The following SNCAIP variants were observed in gnomAD, a reference collection of about 807,000 sequenced individuals.
SNCAIP encodes the protein synphilin-1.
A neutral mutation model predicts 86.7 loss-of-function variants in SNCAIP; 43 were observed. The ratio of observed to expected loss-of-function variants is 0.50; its 90% CI spans 0.39 to 0.64. SNCAIP has a LOEUF of 0.64. SNCAIP is among the 30% of genes least tolerant of loss of function. SNCAIP has a pLI of 0.00. For missense variants in SNCAIP, 981 were observed against 1,103.1 expected (o/e 0.89, Z 1.57); for synonymous variants, 417 against 427.2 (o/e 0.98, Z 0.29).
At chr5:122,311,615 C>G (rs1007042887), upstream of SNCAIP, 2 of 149,930 alleles carry the variant, frequency 1.3e-5, no homozygotes, top group Non-Finnish European at 2.9e-5. Flanking sequence ...GCGGTTAACG[C>G]TTGGATCACG....
At chr5:122,404,023 A>G (rs1401390778) in intron 3 of SNCAIP, among the ~76,000 whole-genome samples, 158 bp downstream of exon 3, 1 of 152,082 alleles carries the variant, frequency 6.6e-6, no homozygotes, top group African/African-American at 2.4e-5. Flanking sequence ...CCTGCCTTCA[A>G]CAAACAGATG....
rs11297385 is a variant in SNCAIP, at chr5:122,326,606, C to CTTTT, written c.-47+14352_-47+14355dup. Among the ~76,000 whole-genome samples, 261 of 42,136 alleles carry CTTTT rather than the reference C, an allele frequency of 6.2e-3. 31 individuals are homozygous for CTTTT. Among genetic ancestry groups the CTTTT allele is most frequent in the Non-Finnish European group, 7.6e-3 (193 of 25,430 alleles). The allele number at this position is 42,136 out of a possible 152,430, so 27.6% of individuals were successfully genotyped here. On this transcript the variant is annotated intron_variant, in intron 1 of 10. Transcript: ENST00000261368. ...AGAAAGGGAACTTCAGAAATGTCTCCTTTTTTTTTTTTTTTTTTTTTTTTT... is the reference window on the plus strand; with the variant it reads ...AGAAAGGGAACTTCAGAAATGTCTCCTTTTTTTTTTTTTTTTTTTTTTTTTTTTT...
intron 10 of SNCAIP, among the ~76,000 whole-genome samples, chr5:122,458,490 G>T (rs1034382036): frequency 2.0e-5 from 3 of 152,176 alleles, no homozygotes; most frequent in African/African-American, 7.2e-5. Context: ...AAAGAACAGA[G>T]CCTGCCTGTA....
chr5:122,447,390 T>A (rs1782552760), intron 8 of SNCAIP, among the ~76,000 whole-genome samples: 1 of 152,238 alleles, frequency 6.6e-6, no homozygotes, highest in Non-Finnish European at 1.5e-5. Context: ...TTTCTACAAT[T>A]AAAGCTGATG....
chr5:122,335,914 C>T (rs867263264), intron 1 of SNCAIP, among the ~76,000 whole-genome samples: 4 of 152,154 alleles, frequency 2.6e-5, no homozygotes, highest in African/African-American at 4.8e-5. Context: ...AGGAGCTGGG[C>T]GAATATGTCC....
rs1020037584 is a variant in SNCAIP at position 122,393,881 on chromosome 5, A to G, written c.57+2690A>G. Among the ~76,000 whole-genome samples, 32 of 152,326 alleles carry G rather than the reference A, an allele frequency of 2.1e-4. No individual in the cohort carries two copies. The East Asian group carries it at 2.1e-3, about 10-fold the overall frequency. Reference sequence around the variant, plus strand: ...CATATTGTTCTAACTTAATGATTACATGGAAAAAGAACTGGAGACAACCTC... The same window carrying G: ...CATATTGTTCTAACTTAATGATTACGTGGAAAAAGAACTGGAGACAACCTC... On this transcript the variant is annotated intron_variant, in intron 2 of 10. Transcript: ENST00000261368.
Position 122,463,475 on chromosome 5 carries a change from T to A in SNCAIP, c.2755-16T>A. The A allele has an allele frequency of 6.5e-7, 1 of 1,533,658 alleles. No homozygotes were observed. The highest frequency in any genetic ancestry group is 1.7e-4 in the Middle Eastern group (1 of 5,914). ...AGTTTTATCTAATTTTGGCCTGTGG[T>A]TTCTCTTCTGCTTAGGCATAATGAC... On this transcript the variant is annotated splice_polypyrimidine_tract_variant and intron_variant, in intron 10 of 10. Coordinates refer to ENST00000261368, the MANE Select transcript of SNCAIP (RefSeq NM_005460.4).
At chr5:122,338,081 T>G (rs1050280353) in intron 1 of SNCAIP, among the ~76,000 whole-genome samples, 4 of 152,222 alleles carry the variant, frequency 2.6e-5, no homozygotes, top group African/African-American at 9.7e-5. Context: ...CCGGAAGTAT[T>G]TTAAGTCTTT....
intron 1 of SNCAIP, among the ~76,000 whole-genome samples, chr5:122,326,904 A>G (rs1754201947): frequency 2.0e-5 from 3 of 151,652 alleles, no homozygotes; most frequent in Admixed American, 2.0e-4. Flanking sequence ...ATGCTTTCAT[A>G]GAGTGGACAC....
chr5:122,367,687 G>T (rs1003009466), intron 1 of SNCAIP, among the ~76,000 whole-genome samples: 2 of 152,032 alleles, frequency 1.3e-5, no homozygotes, highest in African/African-American at 4.8e-5. Flanking sequence ...TTCCAGTCTT[G>T]GCAAAGAACC....
chr5:122,351,331 G>A (rs1454651148), intron 1 of SNCAIP, among the ~76,000 whole-genome samples: 2 of 152,034 alleles, frequency 1.3e-5, no homozygotes, highest in East Asian at 3.9e-4. Flanking sequence ...GAGGTCAGGG[G>A]TTTGAGACCA....
At chr5:122,450,336 T>TA (rs1467432553) in intron 9 of SNCAIP, among the ~76,000 whole-genome samples, 197 bp from the exon 10 acceptor site, 2 of 152,232 alleles carry the variant, frequency 1.3e-5, no homozygotes, top group Non-Finnish European at 2.9e-5. Context: ...TCATGGTAGT[T>TA]ATAGCCGAAG....
chr5:122,371,514 A>G (rs1764261203), intron 1 of SNCAIP: 1 of 152,142 alleles, frequency 6.6e-6, no homozygotes, highest in South Asian at 2.1e-4. Context: ...AAGGGAGAAG[A>G]CAAATTGCCA....
intron 5 of SNCAIP, among the ~76,000 whole-genome samples, chr5:122,429,620 C>A (rs1193133238): frequency 7.0e-6 from 1 of 142,206 alleles, no homozygotes; most frequent in African/African-American, 2.5e-5. Context: ...GAATGAAGCA[C>A]ATTGTATTTG....
intron 10 of SNCAIP, among the ~76,000 whole-genome samples, chr5:122,453,668 C>T (rs1040663369): frequency 5.3e-5 from 8 of 152,170 alleles, no homozygotes; most frequent in African/African-American, 1.9e-4. Context: ...TGCAACATAG[C>T]TTTCATCTCC....
intron 7 of SNCAIP, among the ~76,000 whole-genome samples, chr5:122,441,897 A>G (rs1290080563): frequency 6.6e-6 from 1 of 152,122 alleles, no homozygotes; most frequent in Non-Finnish European, 1.5e-5. Flanking sequence ...TATTACCAGA[A>G]TCAGACCAAT....
At position 122,358,827 on chromosome 5, in the gene SNCAIP, C is replaced by A. The variant is rs191236496; in HGVS notation, c.-46-32262C>A. On this transcript the variant is annotated intron_variant, in intron 1 of 10. Coordinates refer to ENST00000261368, the MANE Select transcript of SNCAIP (RefSeq NM_005460.4). Reference sequence around the variant, plus strand: ...AGCTGAGTGTTGATTAAAAGCAGCACCCTCTCGCTTGCTTCAGAGCTAATA... The same window carrying A: ...AGCTGAGTGTTGATTAAAAGCAGCAACCTCTCGCTTGCTTCAGAGCTAATA... 2.5e-3 allele frequency among the ~76,000 whole-genome samples: 375 copies of A among 152,246 alleles called. 1 individual carries two copies. Among genetic ancestry groups the A allele is most frequent in the Non-Finnish European group, 3.8e-3 (259 of 68,020 alleles).
chr5:122,418,553 A>G (rs1775758132), intron 3 of SNCAIP, among the ~76,000 whole-genome samples: 3 of 152,202 alleles, frequency 2.0e-5, no homozygotes, highest in Admixed American at 2.0e-4. Context: ...CATTCCTTTC[A>G]TTATTTGCTT....
chr5:122,354,019 A>G (rs1322285337), intron 1 of SNCAIP, among the ~76,000 whole-genome samples: 1 of 152,194 alleles, frequency 6.6e-6, no homozygotes, highest in Non-Finnish European at 1.5e-5. Flanking sequence ...CTTACTTAAT[A>G]CATGTATATT....
Sources: allele counts gnomAD v4.1 joint callset (sites outside exome capture counted in the v4.1 genomes callset), GRCh38; gene constraint gnomAD v4.1.1; transcripts MANE v1.5; gene names NCBI Gene and HGNC (gene_info 2026-07-23, HGNC 2026-07-21).